Variants in SUCLG2 observed in about 807,000 individuals in gnomAD.
SUCLG2 encodes succinate--CoA ligase [GDP-forming] subunit beta, mitochondrial.
SUCLG2 carries 42 observed loss-of-function variants against 47.9 expected under a neutral mutation model. The ratio of observed to expected loss-of-function variants is 0.88; its 90% CI spans 0.69 to 1.14. The LOEUF (loss-of-function observed/expected upper bound fraction) is 1.14, where lower values mean the gene tolerates loss of function less well. SUCLG2 is among the 50% of genes most tolerant of loss of function. SUCLG2 has a pLI of 0.00. For synonymous variants in SUCLG2, 195 were observed against 197.3 expected (o/e 0.99, Z 0.10); for missense variants, 571 against 525.9 (o/e 1.09, Z -0.84).
chr3:67,572,583 G>A (rs1416351962), intron 2 of SUCLG2, among the ~76,000 whole-genome samples: 2 of 152,160 alleles, frequency 1.3e-5, no homozygotes, highest in Non-Finnish European at 2.9e-5. Flanking sequence ...CTCTCTCAGT[G>A]TTAATGAATG....
At chr3:67,581,032 T>C (rs1024041275) in intron 2 of SUCLG2, among the ~76,000 whole-genome samples, 3 of 152,232 alleles carry the variant, frequency 2.0e-5, no homozygotes, top group African/African-American at 2.4e-5. Context: ...CCCTCTCTGG[T>C]ACCTTGTAAG....
downstream of SUCLG2, among the ~76,000 whole-genome samples, chr3:67,371,372 CAGA>C (rs981941635): frequency 5.9e-5 from 9 of 152,188 alleles, no homozygotes; most frequent in Non-Finnish European, 1.0e-4. Context: ...TAAACTTCTC[CAGA>C]AGAAGGGTAA....
At chr3:67,472,869 CTAA>C (rs1704639065) in intron 9 of SUCLG2, among the ~76,000 whole-genome samples, 1 of 146,942 alleles carries the variant, frequency 6.8e-6, no homozygotes, top group African/African-American at 2.6e-5. Flanking sequence ...CTAAACGTAT[CTAA>C]GATGATGGTG....
intron 2 of SUCLG2, among the ~76,000 whole-genome samples, chr3:67,566,277 C>G (rs1209274376): frequency 2.0e-5 from 3 of 152,040 alleles, no homozygotes; most frequent in Non-Finnish European, 4.4e-5. Context: ...AAAAACTTTA[C>G]AGGAAGAAAA....
At chr3:67,455,234 T>G (rs1704156215) in intron 9 of SUCLG2, among the ~76,000 whole-genome samples, 1 of 152,152 alleles carries the variant, frequency 6.6e-6, no homozygotes, top group Admixed American at 6.5e-5. Flanking sequence ...ATCCATAACT[T>G]GAAACTGAGC....
chr3:67,402,406 C>T (rs764198096), intron 9 of SUCLG2, among the ~76,000 whole-genome samples: 1 of 152,136 alleles, frequency 6.6e-6, no homozygotes, highest in Non-Finnish European at 1.5e-5. Context: ...AAGGTAATGC[C>T]TTAAGAATCA....
At chr3:67,366,462 G>A (rs1320593370) in intron 10 of SUCLG2, among the ~76,000 whole-genome samples, 1 of 152,234 alleles carries the variant, frequency 6.6e-6, no homozygotes, top group Non-Finnish European at 1.5e-5. Flanking sequence ...TCCTTGAGTA[G>A]AGATTTTGCC....
chr3:67,501,869 A>T (rs555121208), intron 7 of SUCLG2, among the ~76,000 whole-genome samples: 1 of 152,236 alleles, frequency 6.6e-6, no homozygotes, highest in South Asian at 2.1e-4. Context: ...TCATCTGGCT[A>T]TTCCTTTGTA....
chr3:67,414,771 C>T (rs1400871700), intron 9 of SUCLG2, among the ~76,000 whole-genome samples: 1 of 152,208 alleles, frequency 6.6e-6, no homozygotes, highest in African/African-American at 2.4e-5. Flanking sequence ...AGATGCTTTC[C>T]AAACCAGTGC....
intron 2 of SUCLG2, among the ~76,000 whole-genome samples, chr3:67,589,418 G>A (rs1708100939): frequency 6.6e-6 from 1 of 152,156 alleles, no homozygotes; most frequent in Admixed American, 6.6e-5. Context: ...GCTAAATGAA[G>A]GAACAAACTG....
At chr3:67,405,745 G>A (rs1436533144) in intron 9 of SUCLG2, among the ~76,000 whole-genome samples, 1 of 152,168 alleles carries the variant, frequency 6.6e-6, no homozygotes, top group Non-Finnish European at 1.5e-5. Flanking sequence ...GTCTGAATGT[G>A]TATTTTTCTG....
intron 1 of SUCLG2, among the ~76,000 whole-genome samples, chr3:67,640,056 T>A (rs1701073640): frequency 6.6e-6 from 1 of 152,228 alleles, no homozygotes; most frequent in African/African-American, 2.4e-5. Flanking sequence ...GGGATTCAAT[T>A]CTGATTATTT....
chr3:67,570,687 G>C (rs1707583363), intron 2 of SUCLG2, among the ~76,000 whole-genome samples: 1 of 152,182 alleles, frequency 6.6e-6, no homozygotes, highest in Non-Finnish European at 1.5e-5. Context: ...AGCTTCCCTG[G>C]CTGGCAATAC....
intron 9 of SUCLG2, among the ~76,000 whole-genome samples, chr3:67,478,422 T>C (rs896716548): frequency 2.6e-5 from 4 of 152,238 alleles, no homozygotes; most frequent in South Asian, 4.1e-4. Context: ...CTGTCTGTCA[T>C]TGAAGTGCAA....
intron 4 of SUCLG2, among the ~76,000 whole-genome samples, chr3:67,525,867 A>G (rs1339133774): frequency 6.6e-6 from 1 of 152,228 alleles, no homozygotes; most frequent in African/African-American, 2.4e-5. Context: ...TGTAACAGAT[A>G]ATACTTACAA....
downstream of SUCLG2, chr3:67,374,690 T>C (rs1049416855): frequency 2.8e-5 from 23 of 831,822 alleles, no homozygotes; most frequent in African/African-American, 3.7e-5. Flanking sequence ...AGGAATAAAA[T>C]TGAGTAAAAT....
chr3:67,457,421 C>A (rs779214751), intron 9 of SUCLG2, among the ~76,000 whole-genome samples: 17 of 152,060 alleles, frequency 1.1e-4, no homozygotes, highest in African/African-American at 2.4e-5. Flanking sequence ...TTTTATGATT[C>A]TCAATGTTAC....
At chr3:67,427,650 C>T (rs963095830) in intron 9 of SUCLG2, among the ~76,000 whole-genome samples, 6 of 152,080 alleles carry the variant, frequency 3.9e-5, no homozygotes, top group African/African-American at 9.7e-5. Flanking sequence ...GAGCACGAGC[C>T]GAAGCAGGGC....
At chr3:67,597,872 A>G (rs1051244533) in intron 2 of SUCLG2, among the ~76,000 whole-genome samples, 1 of 151,794 alleles carries the variant, frequency 6.6e-6, no homozygotes, top group Non-Finnish European at 1.5e-5. Context: ...TGGGAGGCAG[A>G]GGTTGCAGTC....
Sources: allele counts gnomAD v4.1 joint callset (sites outside exome capture counted in the v4.1 genomes callset), GRCh38; gene constraint gnomAD v4.1.1; transcripts MANE v1.5; gene names NCBI Gene and HGNC (gene_info 2026-07-23, HGNC 2026-07-21).